The following NDE1 variants were observed in gnomAD, a reference collection of about 807,000 sequenced individuals.
NDE1 encodes nuclear distribution protein nudE homolog 1.
Under a neutral mutation model 43.4 loss-of-function variants are expected in NDE1, and 28 were observed. That is an observed-to-expected ratio of 0.65 (90% CI 0.48 to 0.89). The LOEUF (loss-of-function observed/expected upper bound fraction) is 0.89. NDE1 is among the 40% of genes least tolerant of loss of function. The pLI is 0.00. For missense variants in NDE1, 441 were observed against 434.1 expected (o/e 1.02, Z -0.14); for synonymous variants, 184 against 172.0 (o/e 1.07, Z -0.55).
chr16:15,675,667 A>G (rs1227348740), intron 3 of NDE1, among the ~76,000 whole-genome samples: 2 of 151,886 alleles, frequency 1.3e-5, no homozygotes, highest in South Asian at 2.1e-4. Flanking sequence ...GGCTCAAGCA[A>G]TCCTGCCTCT....
Position 15,691,242 on chromosome 16 carries a change from G to T in NDE1, c.622G>T (p.Ala208Ser), listed in dbSNP as rs745681309. The T allele has an allele frequency of 6.2e-7, 1 of 1,614,180 alleles. No homozygotes were observed. Among genetic ancestry groups the T allele is most frequent in the East Asian group, 2.2e-5 (1 of 44,880 alleles). ...EAERTDTAVQ[A>S]TGSVPSTPIA... ...TGAGAGGACAGACACAGCTGTGCAG[G>T]CCACGGGCTCCGTGCCGTCCACGCC... The change falls in exon 6 of 9, where the codon GCC becomes TCC. Residue 208 changes from alanine to serine, a missense_variant. Physicochemically the swap from Ala to Ser is moderately conservative, Grantham distance 99. Coordinates refer to ENST00000396354, the MANE Select transcript of NDE1 (RefSeq NM_017668.3).
intron 1 of NDE1, among the ~76,000 whole-genome samples, chr16:15,659,958 A>G (rs1433446882): frequency 6.6e-6 from 1 of 151,668 alleles, no homozygotes; most frequent in Non-Finnish European, 1.5e-5. Flanking sequence ...CATATTGGCC[A>G]GGCTGGTCTC....
chr16:15,652,917 C>T (rs983311488), intron 1 of NDE1, among the ~76,000 whole-genome samples: 8 of 152,186 alleles, frequency 5.3e-5, no homozygotes, highest in African/African-American at 1.9e-4. Flanking sequence ...CCTTCCGCCT[C>T]AGCCTCCCAA....
chr16:15,664,131 C>T lies in NDE1; in HGVS notation c.-43-605C>T, dbSNP rs573788183. ...CATTCCAGCCCCCACTCCCCCACTC[C>T]CTCCACCAGACTGTGAGGCCCCTTT... On this transcript the variant is annotated intron_variant, in intron 1 of 8. Coordinates refer to ENST00000396354, the MANE Select transcript of NDE1 (RefSeq NM_017668.3). Among the ~76,000 whole-genome samples the T allele has an allele frequency of 2.6e-5, 4 of 152,158 alleles. No individual in the cohort carries two copies. In the East Asian group the frequency reaches 7.7e-4, roughly 29 times the overall value.
chr16:15,687,272 C>T (rs767426147), intron 4 of NDE1, 103 bp from the exon 5 acceptor site: 2 of 1,600,884 alleles, frequency 1.2e-6, no homozygotes, highest in Non-Finnish European at 1.7e-6. Context: ...GGGGCTGGGA[C>T]TTGTGCCCAG....
chr16:15,686,534 C>T (rs2038447261), intron 4 of NDE1: 2 of 985,004 alleles, frequency 2.0e-6, no homozygotes, highest in Admixed American at 6.2e-5. Context: ...CATCTTATGC[C>T]TGGCACAATG....
chr16:15,712,048 T>G (rs1054638247), intron 8 of NDE1, among the ~76,000 whole-genome samples: 1 of 151,928 alleles, frequency 6.6e-6, no homozygotes, highest in African/African-American at 2.4e-5. Flanking sequence ...GGATGTGGGG[T>G]ATAAAGGAGA....
intron 8 of NDE1, among the ~76,000 whole-genome samples, chr16:15,712,577 CAG>C (rs1272117309): frequency 1.3e-5 from 2 of 152,134 alleles, no homozygotes; most frequent in Non-Finnish European, 2.9e-5. Flanking sequence ...GCCTGGGCAA[CAG>C]AGCAAGACTC....
intron 7 of NDE1, among the ~76,000 whole-genome samples, chr16:15,696,267 C>T (rs777532835): frequency 3.3e-5 from 5 of 150,938 alleles, no homozygotes; most frequent in Non-Finnish European, 5.9e-5. Flanking sequence ...TCCAGCTGCT[C>T]AGGAGGCTGA....
chr16:15,680,230 C>G (rs1000076353), intron 4 of NDE1, among the ~76,000 whole-genome samples: 1 of 152,074 alleles, frequency 6.6e-6, no homozygotes. Flanking sequence ...TGCTTTGTGT[C>G]TGCTCTGTGC....
chr16:15,668,792 G>A (rs2037443038), intron 3 of NDE1, among the ~76,000 whole-genome samples: 2 of 152,212 alleles, frequency 1.3e-5, no homozygotes, highest in South Asian at 4.1e-4. Flanking sequence ...AAGGTGTGTT[G>A]CACTCTGCCA....
At chr16:15,695,541 T>A in intron 7 of NDE1, 1 of 984,872 alleles carries the variant, frequency 1.0e-6, no homozygotes, top group Non-Finnish European at 1.2e-6. Flanking sequence ...GCAAAGAATT[T>A]GGCCTTTCAG....
intron 8 of NDE1, among the ~76,000 whole-genome samples, chr16:15,697,479 C>G (rs563606837): frequency 1.3e-5 from 2 of 152,190 alleles, no homozygotes; most frequent in East Asian, 3.9e-4. Flanking sequence ...GAGGCCAAGG[C>G]AGGTGGATCA....
intron 8 of NDE1, among the ~76,000 whole-genome samples, chr16:15,720,666 G>A (rs2040417798): frequency 6.6e-6 from 1 of 152,024 alleles, no homozygotes; most frequent in Non-Finnish European, 1.5e-5. Context: ...GCAGGAGGTG[G>A]AGGTTGCAGT....
At chr16:15,718,485 T>G in intron 8 of NDE1, 1 of 1,536,656 alleles carries the variant, frequency 6.5e-7, no homozygotes. Context: ...TCCCCCGCCT[T>G]AAAAGATGCC....
At chr16:15,648,809 G>A (rs1044499486), upstream of NDE1, among the ~76,000 whole-genome samples, 19 of 151,784 alleles carry the variant, frequency 1.3e-4, no homozygotes, top group South Asian at 4.2e-4. Flanking sequence ...ACTCTGTCTC[G>A]AAAAGAAAAA....
chr16:15,698,344 C>A (rs986699144), intron 8 of NDE1, among the ~76,000 whole-genome samples: 1 of 151,064 alleles, frequency 6.6e-6, no homozygotes, highest in Admixed American at 6.6e-5. Context: ...CCGCAGTGAG[C>A]CGTGTTCCCA....
In NDE1 at chr16:15,717,197, A is replaced by G; in HGVS notation, c.948-6994A>G. The stretch of plus-strand genomic sequence containing the variant: ...TGCAATCTTGGCCTCCAGCGCCGCG[A>G]TGGTGGACTTGAACTTGGACTTGAC... On this transcript the variant is annotated intron_variant, in intron 8 of 8. Coordinates refer to ENST00000396354, the MANE Select transcript of NDE1 (RefSeq NM_017668.3). The G allele has an allele frequency of 1.2e-6, 2 of 1,614,126 alleles. No individual in the cohort carries two copies. The highest frequency in any genetic ancestry group is 2.7e-5 in the African/African-American group (2 of 75,022).
rs2040721466 is a variant in NDE1 at position 15,725,717 on chromosome 16, TG to T, written c.*1467del. Reference sequence around the variant, plus strand: ...CTTCCCTCGCCCCTTGGTCCCTGGCTGTGGACATGTTAAACATTTGTGAAAA... The same window carrying T: ...CTTCCCTCGCCCCTTGGTCCCTGGCTTGGACATGTTAAACATTTGTGAAAA... On this transcript the variant is annotated 3_prime_UTR_variant, in exon 9 of 9. Transcript: ENST00000396354. 5.0e-6 allele frequency: 2 copies of T among 398,844 alleles called. No homozygotes were observed. The highest frequency in any genetic ancestry group is 8.8e-6 in the Non-Finnish European group (2 of 226,218). 24.7% of individuals were successfully genotyped at this position (398,844 alleles called of 1,614,324 possible). A position where few individuals can be genotyped will look rare whatever the true frequency, so the allele number is the denominator to read the frequency against.
Sources: allele counts gnomAD v4.1 joint callset (sites outside exome capture counted in the v4.1 genomes callset), GRCh38; gene constraint gnomAD v4.1.1; transcripts MANE v1.5; gene names NCBI Gene and HGNC (gene_info 2026-07-23, HGNC 2026-07-21).